CHST6: variants seen among roughly 807,000 people sequenced by gnomAD.
CHST6 encodes N-acetylglucosamine 6-O-sulfotransferase 5.
For missense variants in CHST6, 698 were observed against 586.2 expected, an observed-to-expected ratio of 1.19 and a Z score of -1.97; for synonymous variants, 309 against 276.4, an observed-to-expected ratio of 1.12 and a Z score of -1.17.
At chr16:75,489,728 C>A (rs1230626906) in intron 1 of CHST6, among the ~76,000 whole-genome samples, 2 of 151,714 alleles carry the variant, frequency 1.3e-5, no homozygotes, top group African/African-American at 4.9e-5. Context: ...AGAGCTCTTA[C>A]AACTCAACAC....
intron 1 of CHST6, among the ~76,000 whole-genome samples, chr16:75,482,117 C>T (rs1192916948): frequency 6.6e-6 from 1 of 152,188 alleles, no homozygotes; most frequent in Non-Finnish European, 1.5e-5. Context: ...TGCTGAGCTA[C>T]TGTTTGGAGA....
intron 1 of CHST6, among the ~76,000 whole-genome samples, chr16:75,492,280 C>A (rs2080264693): frequency 6.6e-6 from 1 of 152,244 alleles, no homozygotes; most frequent in South Asian, 2.1e-4. Flanking sequence ...CAAACAGCAC[C>A]TGCCTTGGTC....
Position 75,479,734 on chromosome 16 carries a change from G to C in CHST6, c.95C>G (p.Ser32Trp). The C allele has an allele frequency of 1.2e-6, 2 of 1,606,286 alleles. No homozygotes were observed. The highest frequency in any genetic ancestry group is 1.7e-6 in the Non-Finnish European group (2 of 1,176,544). ...GCGCGCCTCGCCGCCTGCTGGGGAC[G>C]AGGGCCCTGGCCGGGAAACCAGAAA... ...LLFLVSRPGP[S>W]SPAGGEARVH... Residue 32 changes from serine (S) to tryptophan (W), a missense_variant, in exon 3 of 3, where the codon TCG becomes TGG. By Grantham distance (177) the Ser-to-Trp change is radical. Coordinates refer to ENST00000332272, the MANE Select transcript of CHST6 (RefSeq NM_021615.5).
At chr16:75,483,869 C>G (rs1427524872) in intron 1 of CHST6, among the ~76,000 whole-genome samples, 2 of 150,914 alleles carry the variant, frequency 1.3e-5, no homozygotes, top group Non-Finnish European at 3.0e-5. Context: ...ACTAAAAATA[C>G]AAAAATTAGC....
chr16:75,486,542 T>C (rs1182394852), intron 1 of CHST6, among the ~76,000 whole-genome samples: 3 of 152,184 alleles, frequency 2.0e-5, no homozygotes, highest in East Asian at 1.9e-4. Context: ...CACAGAACTA[T>C]TGGCCTAGGA....
In CHST6 at chr16:75,481,796, C is replaced by T. The variant is rs987551960; in HGVS notation, c.-17+21G>A. On this transcript the variant is annotated intron_variant, in intron 2 of 2. Transcript: ENST00000332272. ...GAGAGGTGAGAGCAGAGGACTGTCC[C>T]GGCCAGCTGAGGGGACTCACCACTG... 3.0e-5 allele frequency: 15 copies of T among 499,148 alleles called. No homozygotes were observed. In the East Asian group the frequency reaches 4.8e-4, roughly 16 times the overall value. The allele number at this position is 499,148 out of a possible 1,614,324, so 30.9% of individuals were successfully genotyped here. A position where few individuals can be genotyped will look rare whatever the true frequency, so the allele number is the denominator to read the frequency against.
intron 1 of CHST6, among the ~76,000 whole-genome samples, chr16:75,490,361 C>G (rs1044322619): frequency 2.6e-5 from 4 of 151,710 alleles, no homozygotes; most frequent in African/African-American, 9.7e-5. Flanking sequence ...GCCTGTAAAC[C>G]CAGCTACTCG....
intron 1 of CHST6, among the ~76,000 whole-genome samples, chr16:75,485,976 T>C (rs1241877324): frequency 6.6e-6 from 1 of 152,230 alleles, no homozygotes; most frequent in Non-Finnish European, 1.5e-5. Context: ...ACACCACACA[T>C]CTGATCCTGT....
Position 75,481,827 on chromosome 16 carries a change from G to C in CHST6, c.-27C>G. On this transcript the variant is annotated 5_prime_UTR_variant, in exon 2 of 3. Transcript: ENST00000332272. ...GCTGAGGGGACTCACCACTGTCCAG[G>C]GCTGCTGGGAGAGCTGCAACGCTGA... The C allele has an allele frequency of 1.7e-6, 1 of 578,514 alleles. No individual in the cohort carries two copies. The highest frequency in any genetic ancestry group is 3.1e-6 in the Non-Finnish European group (1 of 327,442). The allele number at this position is 578,514 out of a possible 1,614,324, so 35.8% of individuals were successfully genotyped here. A position where few individuals can be genotyped will look rare whatever the true frequency, so the allele number is the denominator to read the frequency against.
intron 1 of CHST6, among the ~76,000 whole-genome samples, chr16:75,490,307 C>T (rs1157611573): frequency 1.3e-5 from 2 of 151,658 alleles, no homozygotes; most frequent in South Asian, 2.1e-4. Flanking sequence ...GGAGAAATTC[C>T]GTCTCTACTA....
intron 1 of CHST6, among the ~76,000 whole-genome samples, chr16:75,484,846 A>T (rs1377720036): frequency 1.3e-5 from 2 of 152,188 alleles, no homozygotes; most frequent in Non-Finnish European, 2.9e-5. Context: ...TCCATCTCAA[A>T]AACAAAACAA....
At position 75,478,739 on chromosome 16, in the gene CHST6, C is replaced by G; in HGVS notation, c.1090G>C (p.Glu364Gln). The change falls in exon 3 of 3, where the codon GAG becomes CAG. Residue 364 changes from glutamate to glutamine, a missense_variant. Coordinates refer to ENST00000332272, the MANE Select transcript of CHST6 (RefSeq NM_021615.5). Reference sequence around the variant, plus strand: ...AGGGCGAGGTTGCGCTGCTCGTCCTCAGAGTACACAGGCCGGTAGCCCAGC... The same window carrying G: ...AGGGCGAGGTTGCGCTGCTCGTCCTGAGAGTACACAGGCCGGTAGCCCAGC... ...QLLGYRPVYS[E>Q]DEQRNLALDL... is the part of the protein sequence containing the mutation. The G allele has an allele frequency of 1.2e-6, 2 of 1,613,550 alleles. No individual in the cohort carries two copies. Among genetic ancestry groups the G allele is most frequent in the Non-Finnish European group, 1.7e-6 (2 of 1,180,026 alleles).
rs1198361550 is a variant in CHST6 at position 75,479,406 on chromosome 16, G to A, written c.423C>T (p.Gly141=). ...TGCACACGGCCTCGCTGCTGATGGCGCCTCGGGGAAAGGCACTGCAGGCGG... is the reference window on the plus strand; with the variant it reads ...TGCACACGGCCTCGCTGCTGATGGCACCTCGGGGAAAGGCACTGCAGGCGG... ...SPPACSAFPR[G]AISSEAVCKP... is the part of the protein sequence containing the mutation. Residue 141 remains glycine (G), a synonymous_variant, in exon 3 of 3, where the codon GGC becomes GGT. Coordinates refer to ENST00000332272, the MANE Select transcript of CHST6 (RefSeq NM_021615.5). 3.7e-6 allele frequency: 6 copies of A among 1,612,772 alleles called. No individual in the cohort carries two copies. Among genetic ancestry groups the A allele is most frequent in the Non-Finnish European group, 5.1e-6 (6 of 1,179,844 alleles).
intron 1 of CHST6, among the ~76,000 whole-genome samples, chr16:75,484,927 G>A (rs2080179699): frequency 6.6e-6 from 1 of 152,194 alleles, no homozygotes; most frequent in African/African-American, 2.4e-5. Context: ...GACAGGAAAA[G>A]AGGCCACACC....
At chr16:75,484,621 G>A (rs554803107) in intron 1 of CHST6, among the ~76,000 whole-genome samples, 1 of 152,224 alleles carries the variant, frequency 6.6e-6, no homozygotes, top group African/African-American at 2.4e-5. Flanking sequence ...AGGCTGAGGC[G>A]GGCAGATCAC....
chr16:75,474,891 G>T lies in CHST6; in HGVS notation c.*3750C>A, dbSNP rs142693604. 433 of 384,730 alleles carry T rather than the reference G, an allele frequency of 1.1e-3. 2 individuals carry two copies. The highest frequency in any genetic ancestry group is 6.8e-3 in the African/African-American group (329 of 48,416). 23.8% of individuals were successfully genotyped at this position (384,730 alleles called of 1,614,324 possible). A position where few individuals can be genotyped will look rare whatever the true frequency, so the allele number is the denominator to read the frequency against. ...GCTCACTGCAATCTCTGCCTCCTGG[G>T]TTCAAGCGATTCTCCTGTCTCAGCC... On this transcript the variant is annotated 3_prime_UTR_variant, in exon 3 of 3. Transcript: ENST00000332272.
rs1185206153 is a variant in CHST6, at chr16:75,477,403, G to A, written c.*1238C>T. Reference sequence around the variant, plus strand: ...GCTAGTGACCACCAGCATCGCTCCTGGTAGCTGATGGCAACGTGAGGGAAA... The same window carrying A: ...GCTAGTGACCACCAGCATCGCTCCTAGTAGCTGATGGCAACGTGAGGGAAA... On this transcript the variant is annotated 3_prime_UTR_variant, in exon 3 of 3. Coordinates refer to ENST00000332272, the MANE Select transcript of CHST6 (RefSeq NM_021615.5). 1 of 152,178 alleles carries A rather than the reference G, an allele frequency of 6.6e-6. No individual in the cohort carries two copies. Among genetic ancestry groups the A allele is most frequent in the Non-Finnish European group, 1.5e-5 (1 of 68,040 alleles). 9.4% of individuals were successfully genotyped at this position (152,178 alleles called of 1,614,324 possible).
At chr16:75,487,715 C>T (rs373871730) in intron 1 of CHST6, among the ~76,000 whole-genome samples, 21 of 145,572 alleles carry the variant, frequency 1.4e-4, no homozygotes, top group African/African-American at 4.1e-4. Context: ...GGGAGAATGG[C>T]GTGAATCTGG....
At chr16:75,484,344 A>T (rs954207821) in intron 1 of CHST6, among the ~76,000 whole-genome samples, 1 of 152,048 alleles carries the variant, frequency 6.6e-6, no homozygotes, top group African/African-American at 2.4e-5. Context: ...CTCAAAAAGT[A>T]AATAAATAAA....
Sources: gnomAD v4.1 joint callset for allele counts (sites outside exome capture counted in the v4.1 genomes callset) on GRCh38, gnomAD v4.1.1 for gene constraint, MANE v1.5 for transcripts, NCBI Gene and HGNC (gene_info 2026-07-23, HGNC 2026-07-21) for gene names.